NXN: variants seen among roughly 807,000 people sequenced by gnomAD.
NXN encodes nucleoredoxin 1.
NXN carries 16 observed loss-of-function variants against 48.6 expected under a neutral mutation model. The ratio of observed to expected loss-of-function variants is 0.33; its 90% CI spans 0.22 to 0.50. The LOEUF (loss-of-function observed/expected upper bound fraction) is 0.50. NXN is among the 20% of genes least tolerant of loss of function. The pLI, the probability that NXN is intolerant of heterozygous loss-of-function variation, is 0.98. For missense variants in NXN, 492 were observed against 605.5 expected, an observed-to-expected ratio of 0.81 and a Z score of 1.97; for synonymous variants, 281 against 269.6, an observed-to-expected ratio of 1.04 and a Z score of -0.41.
chr17:924,461 T>C (rs1459774670), intron 1 of NXN, among the ~76,000 whole-genome samples: 2 of 152,218 alleles, frequency 1.3e-5, no homozygotes, highest in Non-Finnish European at 2.9e-5. Flanking sequence ...GCTCTTGAAC[T>C]CCCAACCTCA....
At chr17:807,171 C>T (rs941716447) in intron 5 of NXN, among the ~76,000 whole-genome samples, 24 of 152,204 alleles carry the variant, frequency 1.6e-4, no homozygotes, top group African/African-American at 3.1e-4. Flanking sequence ...AAAGGGAATC[C>T]GGGCCAGGGA....
chr17:935,895 C>A (rs1324894301), intron 1 of NXN, among the ~76,000 whole-genome samples: 1 of 152,044 alleles, frequency 6.6e-6, no homozygotes, highest in African/African-American at 2.4e-5. Flanking sequence ...GAGTTTAAGA[C>A]CAGCCTGACC....
At position 920,043 on chromosome 17, in the gene NXN, C is replaced by T. The variant is rs1410239510; in HGVS notation, c.360+59276G>A. The stretch of plus-strand genomic sequence containing the variant: ...TGTGAGGACCTCCGCCTCCAACTCT[C>T]TTCGAGCCACCACGCGGTGCAAATG... On this transcript the variant is annotated intron_variant, in intron 1 of 7. Coordinates refer to ENST00000336868, the MANE Select transcript of NXN (RefSeq NM_022463.5). This position sits in a 1 kb window ranked among gnomAD's most constrained non-coding sequence, Gnocchi z 4.6. Among the ~76,000 whole-genome samples, 5 of 152,142 alleles carry T rather than the reference C, an allele frequency of 3.3e-5. No individual in the cohort carries two copies. Among genetic ancestry groups the T allele is most frequent in the Admixed American group, 3.3e-4 (5 of 15,268 alleles).
intron 1 of NXN, among the ~76,000 whole-genome samples, chr17:881,649 T>A (rs1450541460): frequency 6.6e-6 from 1 of 152,136 alleles, no homozygotes; most frequent in African/African-American, 2.4e-5. Context: ...CCAAGATAAT[T>A]TTTTTAAGTC....
chr17:822,542 A>C (rs1386924849), intron 3 of NXN, 85 bp from the exon 4 acceptor site: 1 of 972,668 alleles, frequency 1.0e-6, no homozygotes, highest in Non-Finnish European at 1.6e-6. Flanking sequence ...GGTTAGCAGG[A>C]CTCAAGCAGG....
intron 1 of NXN, among the ~76,000 whole-genome samples, chr17:937,050 A>G (rs921193589): frequency 3.3e-5 from 5 of 151,892 alleles, no homozygotes; most frequent in Admixed American, 3.3e-4. Context: ...GAGACTCTGC[A>G]GCCTTTACTG....
chr17:979,151 A>C, intron 1 of NXN, among the ~76,000 whole-genome samples, 168 bp downstream of exon 1: 1 of 60,732 alleles, frequency 1.6e-5, no homozygotes, highest in South Asian at 8.6e-4. Flanking sequence ...GGGGGCGGGG[A>C]GAGGACAGTG....
chr17:900,018 C>A (rs556596899), intron 1 of NXN, among the ~76,000 whole-genome samples: 1 of 152,346 alleles, frequency 6.6e-6, no homozygotes, highest in South Asian at 2.1e-4. Context: ...GTAATCCCAG[C>A]ACGTTGGGAG....
intron 1 of NXN, among the ~76,000 whole-genome samples, chr17:848,769 C>A (rs886217799): frequency 6.6e-6 from 1 of 152,094 alleles, no homozygotes; most frequent in Admixed American, 6.5e-5. Context: ...AACAAGAAAG[C>A]GGACAGCAGC....
chr17:895,750 G>A (rs957259659), intron 1 of NXN, among the ~76,000 whole-genome samples: 17 of 138,942 alleles, frequency 1.2e-4, no homozygotes, highest in Admixed American at 2.9e-4. Flanking sequence ...CCTGAGAGGC[G>A]GAGCTTGCAG....
chr17:843,009 A>C (rs1373472913), intron 1 of NXN, among the ~76,000 whole-genome samples: 14 of 81,152 alleles, frequency 1.7e-4, no homozygotes, highest in African/African-American at 6.6e-4. Flanking sequence ...AGAAAGAGAG[A>C]AAGAAAGAAA....
chr17:935,653 C>A (rs1459446336), intron 1 of NXN, among the ~76,000 whole-genome samples: 1 of 152,136 alleles, frequency 6.6e-6, no homozygotes, highest in African/African-American at 2.4e-5. Context: ...CAGAACACGC[C>A]CAGGAATCAC....
At chr17:913,876 C>T (rs8079581) in intron 1 of NXN, among the ~76,000 whole-genome samples, 23,027 of 152,118 alleles carry the variant, frequency 0.15, 2,087 homozygotes, top group Middle Eastern at 0.21. Context: ...CCCAAACTCG[C>T]GGAAGATTTT....
Position 952,926 on chromosome 17 carries a change from C to T in NXN, c.360+26393G>A, listed in dbSNP as rs112855707. Among the ~76,000 whole-genome samples, 1,126 of 152,262 alleles carry T rather than the reference C, an allele frequency of 7.4e-3. 18 individuals are homozygous for T. Among genetic ancestry groups the T allele is most frequent in the African/African-American group, 0.026 (1,071 of 41,532 alleles). On this transcript the variant is annotated intron_variant, in intron 1 of 7. Transcript: ENST00000336868. Reference sequence around the variant, plus strand: ...AATGACGGCCAGCAGAGCCAGGACCCACTTCTCCGTCCTGGAAGACGCAAT... The same window carrying T: ...AATGACGGCCAGCAGAGCCAGGACCTACTTCTCCGTCCTGGAAGACGCAAT...
intron 1 of NXN, among the ~76,000 whole-genome samples, chr17:964,592 G>C (rs1237479516): frequency 6.6e-6 from 1 of 152,198 alleles, no homozygotes; most frequent in African/African-American, 2.4e-5. Context: ...GAAAATGTCT[G>C]AAGGCATTTA....
intron 1 of NXN, among the ~76,000 whole-genome samples, chr17:847,481 T>G (rs1461368191): frequency 6.6e-6 from 1 of 152,132 alleles, no homozygotes; most frequent in Non-Finnish European, 1.5e-5. Flanking sequence ...TTCTCTAAAT[T>G]GGCCTGGACC....
At chr17:809,659 G>C (rs1911796266) in intron 5 of NXN, among the ~76,000 whole-genome samples, 1 of 152,204 alleles carries the variant, frequency 6.6e-6, no homozygotes, top group Admixed American at 6.5e-5. Flanking sequence ...GCAGGTTCTA[G>C]GACAGAAAGA....
intron 1 of NXN, among the ~76,000 whole-genome samples, chr17:921,457 G>C (rs1211940147): frequency 6.6e-6 from 1 of 151,986 alleles, no homozygotes; most frequent in Non-Finnish European, 1.5e-5. Context: ...AACGCTTCCC[G>C]CACCTCTCCT....
intron 1 of NXN, among the ~76,000 whole-genome samples, chr17:906,555 GT>G (rs2144910511): frequency 8.5e-6 from 1 of 117,484 alleles, no homozygotes; most frequent in African/African-American, 3.0e-5. Flanking sequence ...GTGTTTTGGG[GT>G]TTTTTTGGTT....
Sources: gnomAD v4.1 joint callset for allele counts (sites outside exome capture counted in the v4.1 genomes callset) on GRCh38, gnomAD v4.1.1 for gene constraint, Gnocchi (gnomAD v3.1) non-coding constraint, MANE v1.5 for transcripts, NCBI Gene and HGNC (gene_info 2026-07-23, HGNC 2026-07-21) for gene names.